UBE2R2: variants seen among roughly 807,000 people sequenced by gnomAD.
UBE2R2 encodes the protein ubiquitin conjugating enzyme E2 R2.
A neutral mutation model predicts 27.8 loss-of-function variants in UBE2R2; 1 was observed. The observed-to-expected ratio is 0.04, with a 90% CI of 0.01 to 0.17. The LOEUF (loss-of-function observed/expected upper bound fraction) is 0.17. Among genes scored for constraint, UBE2R2 ranks in the 10% least tolerant of loss-of-function variants. UBE2R2 has a pLI of 1.00. For synonymous variants in UBE2R2, 106 were observed against 113.3 expected, an observed-to-expected ratio of 0.94 and a Z score of 0.41; for missense variants, 100 against 291.0, an observed-to-expected ratio of 0.34 and a Z score of 4.78.
chr9:33,887,303 C>T (rs1821881764), intron 2 of UBE2R2, among the ~76,000 whole-genome samples: 1 of 152,146 alleles, frequency 6.6e-6, no homozygotes, highest in Non-Finnish European at 1.5e-5. Context: ...GTGTGCCTAT[C>T]CTCTAACTTC....
intron 2 of UBE2R2, among the ~76,000 whole-genome samples, chr9:33,889,486 G>C (rs1821933428): frequency 6.6e-6 from 1 of 152,062 alleles, no homozygotes; most frequent in African/African-American, 2.4e-5. Flanking sequence ...TTACAGGCGT[G>C]AGCCACCGCA....
At chr9:33,891,552 C>T (rs1821988163) in intron 2 of UBE2R2, among the ~76,000 whole-genome samples, 1 of 151,944 alleles carries the variant, frequency 6.6e-6, no homozygotes, top group African/African-American at 2.4e-5. Context: ...GAGGCTGAGG[C>T]ATGAGAATCG....
At chr9:33,863,531 A>AAC (rs1467717988) in intron 1 of UBE2R2, among the ~76,000 whole-genome samples, 1 of 151,894 alleles carries the variant, frequency 6.6e-6, no homozygotes, top group East Asian at 1.9e-4. Flanking sequence ...CAAAAAACAA[A>AAC]AAAAAAAAAA....
chr9:33,828,525 A>G (rs1205742389), intron 1 of UBE2R2, among the ~76,000 whole-genome samples: 1 of 150,034 alleles, frequency 6.7e-6, no homozygotes, highest in Non-Finnish European at 1.5e-5. Flanking sequence ...AGTAGCTGGG[A>G]CTACAGGCAT....
At chr9:33,841,971 T>TG (rs1820742512) in intron 1 of UBE2R2, among the ~76,000 whole-genome samples, 1 of 152,218 alleles carries the variant, frequency 6.6e-6, no homozygotes, top group Admixed American at 6.5e-5. Flanking sequence ...ATTCATTACA[T>TG]GCAATATTCT....
At chr9:33,817,969 G>T (rs1230672068) in intron 1 of UBE2R2, 35 bp downstream of exon 1, 1 of 1,584,652 alleles carries the variant, frequency 6.3e-7, no homozygotes, top group East Asian at 2.4e-5. Flanking sequence ...CTGCTTCCGC[G>T]GCCGAGGCCT....
At chr9:33,872,786 C>CAA (rs761913485) in intron 1 of UBE2R2, among the ~76,000 whole-genome samples, 10 of 98,588 alleles carry the variant, frequency 1.0e-4, no homozygotes, top group Non-Finnish European at 1.3e-4. Flanking sequence ...AACTCCATTT[C>CAA]AAAAAAAAAA....
intron 1 of UBE2R2, among the ~76,000 whole-genome samples, chr9:33,841,050 G>A (rs188817739): frequency 2.0e-5 from 3 of 150,666 alleles, no homozygotes; most frequent in Non-Finnish European, 3.0e-5. Context: ...TCAACCTCTC[G>A]AGTAGCTGGA....
chr9:33,877,799 CTCTGTCTG>C (rs546643488), intron 1 of UBE2R2, among the ~76,000 whole-genome samples: 19 of 145,152 alleles, frequency 1.3e-4, no homozygotes, highest in South Asian at 2.2e-4. Flanking sequence ...TTTTGCCCCT[CTCTGTCTG>C]TCTGTCTGTC....
chr9:33,832,289 CAA>C (rs1179653178), intron 1 of UBE2R2, among the ~76,000 whole-genome samples: 1 of 143,364 alleles, frequency 7.0e-6, no homozygotes, highest in Admixed American at 7.3e-5. Context: ...GCCTGGGCAA[CAA>C]GAGCGAAAAT....
chr9:33,895,768 C>CTTTT lies in UBE2R2; in HGVS notation c.265-4387_265-4384dup, dbSNP rs776870484. Among the ~76,000 whole-genome samples, 192 of 90,266 alleles carry CTTTT rather than the reference C, an allele frequency of 2.1e-3. 1 individual carries two copies. Among genetic ancestry groups the CTTTT allele is most frequent in the African/African-American group, 2.7e-3 (60 of 21,974 alleles). The allele number at this position is 90,266 out of a possible 152,430, so 59.2% of individuals were successfully genotyped here. A position where few individuals can be genotyped will look rare whatever the true frequency, so the allele number is the denominator to read the frequency against. On this transcript the variant is annotated intron_variant, in intron 2 of 4. Coordinates refer to ENST00000263228, the MANE Select transcript of UBE2R2 (RefSeq NM_017811.4). ...GACTAGATTTATTCTCTCTCTCTCT[C>CTTTT]TTTTTTTTTTTTTTTTTTTTTTGAG...
intron 1 of UBE2R2, among the ~76,000 whole-genome samples, chr9:33,828,243 A>C (rs1820358800): frequency 6.6e-6 from 1 of 150,678 alleles, no homozygotes. Flanking sequence ...TGGAGGTTGC[A>C]GTGAGCCGAG....
At chr9:33,841,436 C>T (rs1820731183) in intron 1 of UBE2R2, among the ~76,000 whole-genome samples, 1 of 152,120 alleles carries the variant, frequency 6.6e-6, no homozygotes, top group Admixed American at 6.6e-5. Flanking sequence ...ACTTGGTCTA[C>T]TTCTTGTAGT....
intron 2 of UBE2R2, among the ~76,000 whole-genome samples, chr9:33,890,418 T>C (rs1821953523): frequency 6.6e-6 from 1 of 151,972 alleles, no homozygotes; most frequent in African/African-American, 2.4e-5. Context: ...AATACAAACA[T>C]CAGCTGGGTG....
chr9:33,835,405 C>A (rs560742389), intron 1 of UBE2R2, among the ~76,000 whole-genome samples: 1 of 151,990 alleles, frequency 6.6e-6, no homozygotes, highest in Non-Finnish European at 1.5e-5. Context: ...CCTCAGCCTC[C>A]CAAAGTGCTG....
chr9:33,884,197 AAT>A (rs1821798257), intron 1 of UBE2R2, among the ~76,000 whole-genome samples: 1 of 39,658 alleles, frequency 2.5e-5, no homozygotes, highest in Non-Finnish European at 6.0e-5. Context: ...ACAACTTAAG[AAT>A]CTCTCTCTCT....
chr9:33,871,310 G>A (rs1178945915), intron 1 of UBE2R2, among the ~76,000 whole-genome samples: 1 of 152,190 alleles, frequency 6.6e-6, no homozygotes, highest in African/African-American at 2.4e-5. Context: ...TTAACAATAT[G>A]TTGAGAAATT....
Position 33,817,459 on chromosome 9 carries a change from CG to C in UBE2R2, c.-290del, listed in dbSNP as rs1307279320. 158 of 156,168 alleles carry C rather than the reference CG, an allele frequency of 1.0e-3. No homozygotes were observed. Among genetic ancestry groups the C allele is most frequent in the Middle Eastern group, 3.1e-3 (1 of 320 alleles). The allele number at this position is 156,168 out of a possible 1,614,324, so 9.7% of individuals were successfully genotyped here. ...CCCCCCCCCAAGTTGAGGCCCCCTC[CG>C]GGGGGGGGAGGCCCGGGACCGGGAC... On this transcript the variant is annotated 5_prime_UTR_variant, in exon 1 of 5. Coordinates refer to ENST00000263228, the MANE Select transcript of UBE2R2 (RefSeq NM_017811.4).
intron 3 of UBE2R2, among the ~76,000 whole-genome samples, chr9:33,903,215 G>A (rs74503306): frequency 0.029 from 4,416 of 152,260 alleles, 89 homozygotes; most frequent in Non-Finnish European, 0.041. Flanking sequence ...ATTAGACAAT[G>A]TGTATAAAAG....
Sources: allele counts gnomAD v4.1 joint callset (sites outside exome capture counted in the v4.1 genomes callset), GRCh38; gene constraint gnomAD v4.1.1; transcripts MANE v1.5; gene names NCBI Gene and HGNC (gene_info 2026-07-23, HGNC 2026-07-21).